NHSL1: variants seen among roughly 807,000 people sequenced by gnomAD.
NHSL1 encodes the protein NHS-like protein 1.
A neutral mutation model predicts 95.0 loss-of-function variants in NHSL1; 48 were observed. That is an observed-to-expected ratio of 0.51 (90% CI 0.40 to 0.64). The LOEUF (loss-of-function observed/expected upper bound fraction) is 0.64, where lower values mean the gene tolerates loss of function less well. Ranked by LOEUF, NHSL1 falls within the 30% of genes least tolerant of loss-of-function variation. The probability of loss-of-function intolerance (pLI) is 0.00; values close to 1 mark genes in which losing one functional copy is unlikely to be tolerated. For missense variants in NHSL1, 1,971 were observed against 2,077.7 expected, an observed-to-expected ratio of 0.95 and a Z score of 1.00; for synonymous variants, 783 against 833.9, an observed-to-expected ratio of 0.94 and a Z score of 1.05.
chr6:138,553,848 G>T (rs1001258877), intron 1 of NHSL1, among the ~76,000 whole-genome samples: 23 of 152,118 alleles, frequency 1.5e-4, no homozygotes, highest in Admixed American at 3.3e-4. Context: ...CACAAACACA[G>T]ATACCATTCT....
At chr6:138,637,868 C>T (rs1784907341) in intron 1 of NHSL1, among the ~76,000 whole-genome samples, 1 of 152,178 alleles carries the variant, frequency 6.6e-6, no homozygotes, top group African/African-American at 2.4e-5. Flanking sequence ...AGCAATCCTA[C>T]TACTAGGTAT....
intron 1 of NHSL1, among the ~76,000 whole-genome samples, chr6:138,663,706 C>T (rs1785259782): frequency 6.6e-6 from 1 of 152,036 alleles, no homozygotes; most frequent in Non-Finnish European, 1.5e-5. Context: ...CCCATCTCTA[C>T]TAAAAAATAC....
intron 5 of NHSL1, among the ~76,000 whole-genome samples, chr6:138,437,439 CACACACAAAAAAAAAAAAAA>C (rs1776251115): frequency 3.0e-5 from 1 of 33,796 alleles, no homozygotes; most frequent in African/African-American, 1.2e-4. Flanking sequence ...CACACACACA[CACACACAAAAAAAAAAAAAA>C]AAAATACAAT....
chr6:138,648,950 TGTA>T (rs1785053833), intron 1 of NHSL1, among the ~76,000 whole-genome samples: 1 of 152,180 alleles, frequency 6.6e-6, no homozygotes, highest in Non-Finnish European at 1.5e-5. Flanking sequence ...AGTATAAAAA[TGTA>T]GTCCTTCATA....
At chr6:138,595,923 CCTT>C (rs75145653) in intron 1 of NHSL1, among the ~76,000 whole-genome samples, 3,964 of 152,246 alleles carry the variant, frequency 0.026, 162 homozygotes, top group African/African-American at 0.086. Context: ...ACTTTCTCCT[CCTT>C]ATTATTAGCA....
At chr6:138,429,303 C>T (rs1455976505) in intron 7 of NHSL1, among the ~76,000 whole-genome samples, 1 of 152,156 alleles carries the variant, frequency 6.6e-6, no homozygotes, top group Non-Finnish European at 1.5e-5. Flanking sequence ...TAAACTAAAA[C>T]ATCTTTAGGA....
At position 138,579,395 on chromosome 6, in the gene NHSL1, T is replaced by C. The variant is rs143121612; in HGVS notation, c.97-83024A>G. On this transcript the variant is annotated intron_variant, in intron 1 of 3. Transcript: ENST00000491526. ...TTTATAGCAATCATTCCTTTATCAC[T>C]AAATCACAAAAAGCAAAAGTAAAAT... Among the ~76,000 whole-genome samples the C allele has an allele frequency of 1.6e-4, 24 of 152,270 alleles. 1 individual carries two copies. Among genetic ancestry groups the C allele is most frequent in the African/African-American group, 5.5e-4 (23 of 41,542 alleles).
At chr6:138,502,822 T>C (rs1022512766), upstream of NHSL1, among the ~76,000 whole-genome samples, 4 of 152,234 alleles carry the variant, frequency 2.6e-5, no homozygotes, top group Admixed American at 1.3e-4. Flanking sequence ...AACTAAGAGT[T>C]ATTATTGATA....
At chr6:138,575,471 AT>A (rs1482746423), upstream of NHSL1, among the ~76,000 whole-genome samples, 1 of 152,186 alleles carries the variant, frequency 6.6e-6, no homozygotes, top group Non-Finnish European at 1.5e-5. Flanking sequence ...CGTCTGCCAG[AT>A]TTCCAGAAAC....
chr6:138,523,876 T>C (rs1486906019), intron 1 of NHSL1, among the ~76,000 whole-genome samples: 11 of 152,182 alleles, frequency 7.2e-5, no homozygotes, highest in South Asian at 4.1e-4. Context: ...CATAAAAACA[T>C]AGAATAGTCT....
At chr6:138,535,907 C>T (rs1033429288) in intron 1 of NHSL1, among the ~76,000 whole-genome samples, 3 of 152,162 alleles carry the variant, frequency 2.0e-5, no homozygotes, top group Non-Finnish European at 4.4e-5. Flanking sequence ...TGTTCTCTCA[C>T]TTCCCTACAG....
At chr6:138,510,986 T>C (rs1054224859) in intron 1 of NHSL1, among the ~76,000 whole-genome samples, 1 of 152,086 alleles carries the variant, frequency 6.6e-6, no homozygotes, top group Admixed American at 6.5e-5. Flanking sequence ...TGGGCACAGA[T>C]GGAAGGGAAG....
At chr6:138,666,264 T>C (rs1785292803) in intron 1 of NHSL1, among the ~76,000 whole-genome samples, 1 of 150,538 alleles carries the variant, frequency 6.6e-6, no homozygotes, top group South Asian at 2.1e-4. Context: ...GATTGTGCCA[T>C]TGTACTCCAG....
chr6:138,431,583 T>C lies in NHSL1; in HGVS notation c.2762A>G (p.Asp921Gly). The change falls in exon 6 of 8, where the codon GAT becomes GGT. Residue 921 changes from aspartate to glycine, a missense_variant. This residue lies in a region of NHSL1 where 1,602 missense variants were observed against 1,654.5 expected (regional missense o/e 0.97). Coordinates refer to ENST00000343505, the MANE Select transcript of NHSL1 (RefSeq NM_001144060.2). The surrounding 1 kb of genome is among the most constrained non-coding windows in gnomAD (Gnocchi z 4.0). ...TEGSGTMKKLDPAVGSPPAPP... is the reference protein window; with the variant it reads ...TEGSGTMKKLGPAVGSPPAPP... ...AGCCGGGGGAGAGCCCACGGCTGGA[T>C]CCAGCTTCTTCATAGTGCCACTTCC... The C allele has an allele frequency of 6.4e-7, 1 of 1,551,358 alleles. No homozygotes were observed.
chr6:138,662,911 A>G (rs1336421687), intron 1 of NHSL1, among the ~76,000 whole-genome samples: 1 of 152,036 alleles, frequency 6.6e-6, no homozygotes, highest in African/African-American at 2.4e-5. Context: ...AAGTTTCTGG[A>G]GGCCACTTAG....
chr6:138,660,559 T>G (rs1280357693), intron 1 of NHSL1, among the ~76,000 whole-genome samples: 1 of 151,116 alleles, frequency 6.6e-6, no homozygotes, highest in Non-Finnish European at 1.5e-5. Flanking sequence ...GAGAATGGCA[T>G]GAACCCGGGA....
chr6:138,684,458 C>T (rs751101404), intron 1 of NHSL1, among the ~76,000 whole-genome samples: 11 of 152,026 alleles, frequency 7.2e-5, no homozygotes, highest in South Asian at 2.1e-4. Context: ...CCAGCCTGGC[C>T]AACATGGCAA....
intron 1 of NHSL1, among the ~76,000 whole-genome samples, chr6:138,537,911 C>A: frequency 6.6e-6 from 1 of 152,078 alleles, no homozygotes; most frequent in East Asian, 1.9e-4. Flanking sequence ...GGCGAGAAGT[C>A]CAGAGCATCA....
chr6:138,448,610 A>T (rs1583190522), intron 3 of NHSL1, among the ~76,000 whole-genome samples: 1 of 152,152 alleles, frequency 6.6e-6, no homozygotes, highest in East Asian at 1.9e-4. Context: ...AGGGAATCGC[A>T]CTGTCTGTTC....
Sources: gnomAD v4.1 joint callset for allele counts (sites outside exome capture counted in the v4.1 genomes callset) on GRCh38, gnomAD v4.1.1 for gene constraint, gnomAD v4.1.1 regional missense constraint, Gnocchi (gnomAD v3.1) non-coding constraint, MANE v1.5 for transcripts, NCBI Gene and HGNC (gene_info 2026-07-23, HGNC 2026-07-21) for gene names.